The following SYT14 variants were observed in gnomAD, a reference collection of about 807,000 sequenced individuals.
SYT14 encodes the protein synaptotagmin 14.
SYT14 carries 32 observed loss-of-function variants against 74.2 expected under a neutral mutation model. The ratio of observed to expected loss-of-function variants is 0.43; its 90% CI spans 0.33 to 0.58. The LOEUF (loss-of-function observed/expected upper bound fraction) is 0.58, where lower values mean the gene tolerates loss of function less well. Among genes scored for constraint, SYT14 ranks in the 20% least tolerant of loss-of-function variants. The probability of loss-of-function intolerance (pLI) is 0.05; values close to 1 mark genes in which losing one functional copy is unlikely to be tolerated. For missense variants in SYT14, 791 were observed against 981.8 expected (o/e 0.81, Z 2.60); for synonymous variants, 298 against 337.7 (o/e 0.88, Z 1.29).
intron 1 of SYT14, among the ~76,000 whole-genome samples, chr1:209,945,098 C>T (rs890659381): frequency 1.3e-5 from 2 of 152,100 alleles, no homozygotes; most frequent in African/African-American, 2.4e-5. Flanking sequence ...GACTTGGTTT[C>T]AGAATCCTTG....
intron 7 of SYT14, among the ~76,000 whole-genome samples, chr1:210,101,361 GTGT>G (rs565871694): frequency 2.8e-4 from 43 of 152,004 alleles, no homozygotes; most frequent in Non-Finnish European, 5.1e-4. Flanking sequence ...TACTATTTTA[GTGT>G]TGTTTTGAGC....
intron 2 of SYT14, among the ~76,000 whole-genome samples, chr1:209,979,783 C>G (rs1291413668): frequency 6.6e-6 from 1 of 152,164 alleles, no homozygotes; most frequent in Non-Finnish European, 1.5e-5. Flanking sequence ...AGGACATGAT[C>G]TTTTTTCTTT....
intron 6 of SYT14, among the ~76,000 whole-genome samples, chr1:210,097,572 A>G (rs1007262970): frequency 1.3e-5 from 2 of 152,154 alleles, no homozygotes; most frequent in African/African-American, 2.4e-5. Flanking sequence ...AAAAATAGCT[A>G]TCTAGGACCT....
chr1:210,119,655 T>C lies in SYT14; in HGVS notation c.2034+19194T>C, dbSNP rs113908569. 5.5e-3 allele frequency among the ~76,000 whole-genome samples: 840 copies of C among 152,338 alleles called. 6 individuals carry two copies. Among genetic ancestry groups the C allele is most frequent in the African/African-American group, 0.019 (804 of 41,582 alleles). On this transcript the variant is annotated intron_variant, in intron 7 of 9. Transcript: ENST00000637265. ...GCCAGTATATAAATTTCCTGATGTTTATTTTAAGCAAATAGATGTAAATTT... is the reference window on the plus strand; with the variant it reads ...GCCAGTATATAAATTTCCTGATGTTCATTTTAAGCAAATAGATGTAAATTT...
intron 5 of SYT14, among the ~76,000 whole-genome samples, chr1:210,075,204 G>A (rs898460252): frequency 1.3e-5 from 2 of 152,148 alleles, no homozygotes; most frequent in African/African-American, 2.4e-5. Context: ...GCCAGCTGAC[G>A]TGTGCTCTTC....
chr1:210,027,228 C>A (rs12092551), intron 5 of SYT14, among the ~76,000 whole-genome samples: 1 of 151,770 alleles, frequency 6.6e-6, no homozygotes, highest in Non-Finnish European at 1.5e-5. Context: ...GGCGCAGTGG[C>A]TCATGCCTAT....
chr1:209,970,836 C>T (rs139102655), intron 2 of SYT14, among the ~76,000 whole-genome samples: 71 of 151,770 alleles, frequency 4.7e-4, no homozygotes, highest in African/African-American at 1.4e-3. Context: ...TGTGCCACCA[C>T]GCCCAACTAG....
chr1:209,939,080 C>T (rs1005415817), intron 1 of SYT14, among the ~76,000 whole-genome samples: 2 of 152,140 alleles, frequency 1.3e-5, no homozygotes, highest in African/African-American at 4.8e-5. Flanking sequence ...GTGTATTTTT[C>T]TCTTGTTCCA....
At chr1:210,145,069 A>G (rs909678657) in intron 7 of SYT14, among the ~76,000 whole-genome samples, 1 of 152,212 alleles carries the variant, frequency 6.6e-6, no homozygotes, top group Non-Finnish European at 1.5e-5. Flanking sequence ...AGTTCTTAGT[A>G]TGCGCTAAAG....
Position 210,097,007 on chromosome 1 carries a change from C to T in SYT14, c.1584+2414C>T, listed in dbSNP as rs968278463. ...TTGTCTGTATTTCAGAAGCTGCTAA[C>T]TTGCTATCTGTAACCACTTCTTTGG... On this transcript the variant is annotated intron_variant, in intron 6 of 9. Transcript: ENST00000637265. 3.3e-5 allele frequency among the ~76,000 whole-genome samples: 5 copies of T among 152,340 alleles called. No homozygotes were observed. The South Asian group carries it at 1.0e-3, about 32-fold the overall frequency.
At chr1:210,123,827 A>T (rs980385596) in intron 7 of SYT14, among the ~76,000 whole-genome samples, 1 of 152,228 alleles carries the variant, frequency 6.6e-6, no homozygotes, top group Non-Finnish European at 1.5e-5. Context: ...AAATTATGCA[A>T]CAGAAAGGGT....
chr1:209,967,521 A>G (rs750941108), intron 2 of SYT14, among the ~76,000 whole-genome samples: 19 of 152,104 alleles, frequency 1.2e-4, no homozygotes, highest in African/African-American at 2.9e-4. Context: ...CAGGTTATCT[A>G]TTCCTGAGTG....
intron 2 of SYT14, among the ~76,000 whole-genome samples, chr1:209,956,282 C>CCGAA (rs1553257600): frequency 1.3e-5 from 2 of 151,502 alleles, no homozygotes; most frequent in Non-Finnish European, 2.9e-5. Flanking sequence ...TGAACAAACC[C>CCGAA]CAAATAATGA....
At chr1:210,050,286 A>G (rs748375780) in intron 5 of SYT14, among the ~76,000 whole-genome samples, 59 of 152,346 alleles carry the variant, frequency 3.9e-4, no homozygotes, top group Admixed American at 9.1e-4. Context: ...TTGCTAAAAC[A>G]TAACAAGAGT....
intron 2 of SYT14, among the ~76,000 whole-genome samples, chr1:209,960,558 T>C (rs933935535): frequency 6.6e-5 from 10 of 152,180 alleles, no homozygotes; most frequent in African/African-American, 1.9e-4. Flanking sequence ...AAAAAACAGC[T>C]TTCCAATCTT....
intron 7 of SYT14, among the ~76,000 whole-genome samples, chr1:210,132,402 CTTTTA>C (rs935391387): frequency 2.0e-5 from 3 of 151,946 alleles, no homozygotes; most frequent in African/African-American, 4.8e-5. Context: ...TTTTTTTTAA[CTTTTA>C]TTTTAAGCTC....
chr1:210,140,495 G>T (rs2082891577), intron 7 of SYT14, among the ~76,000 whole-genome samples: 1 of 152,024 alleles, frequency 6.6e-6, no homozygotes. Context: ...GAAGCACAAG[G>T]TTTTTAATTT....
At chr1:209,947,703 T>G (rs2078844579) in intron 1 of SYT14, among the ~76,000 whole-genome samples, 1 of 152,218 alleles carries the variant, frequency 6.6e-6, no homozygotes, top group African/African-American at 2.4e-5. Flanking sequence ...ATAAAGAAAC[T>G]GTAGGGTTTG....
At chr1:209,972,935 T>C (rs2079283169) in intron 2 of SYT14, among the ~76,000 whole-genome samples, 1 of 152,236 alleles carries the variant, frequency 6.6e-6, no homozygotes, top group Admixed American at 6.5e-5. Context: ...TGTCTCATGC[T>C]GTCAGTGGGG....
Sources: allele counts gnomAD v4.1 joint callset (sites outside exome capture counted in the v4.1 genomes callset), GRCh38; gene constraint gnomAD v4.1.1; transcripts MANE v1.5; gene names NCBI Gene and HGNC (gene_info 2026-07-23, HGNC 2026-07-21).